Variants in FARS2 observed in about 807,000 individuals in gnomAD.
The protein encoded by FARS2 is phenylalanine--tRNA ligase, mitochondrial.
In FARS2, 40 loss-of-function variants were observed where a neutral mutation model predicts 46.4. The ratio of observed to expected loss-of-function variants is 0.86; its 90% CI spans 0.67 to 1.12. The LOEUF is 1.12. FARS2 is among the 50% of genes most tolerant of loss of function. FARS2 has a pLI of 0.00. For missense variants in FARS2, 513 were observed against 567.9 expected (o/e 0.90, Z 0.98); for synonymous variants, 234 against 214.9 (o/e 1.09, Z -0.78).
chr6:5,749,631 C>G (rs1163540939), intron 6 of FARS2, among the ~76,000 whole-genome samples: 1 of 152,214 alleles, frequency 6.6e-6, no homozygotes, highest in Non-Finnish European at 1.5e-5. Flanking sequence ...ACAGTGTTTG[C>G]TCTTCAAGGT....
intron 6 of FARS2, among the ~76,000 whole-genome samples, chr6:5,669,732 G>T (rs147982834): frequency 6.6e-6 from 1 of 152,314 alleles, no homozygotes; most frequent in Non-Finnish European, 1.5e-5. Flanking sequence ...CAGAGGTCCT[G>T]AGATTCGGAG....
chr6:5,388,969 T>C (rs941890113), intron 2 of FARS2, among the ~76,000 whole-genome samples: 1 of 152,162 alleles, frequency 6.6e-6, no homozygotes, highest in African/African-American at 2.4e-5. Context: ...TTGTATTCCA[T>C]GGGCCCCTTT....
intron 6 of FARS2, among the ~76,000 whole-genome samples, chr6:5,631,808 A>AT (rs561322449): frequency 6.2e-4 from 94 of 152,230 alleles, no homozygotes; most frequent in African/African-American, 1.6e-3. Flanking sequence ...TAAAAGGAGA[A>AT]TTTTTTTTCC....
chr6:5,385,279 A>G (rs1345104852), intron 2 of FARS2, among the ~76,000 whole-genome samples: 2 of 152,212 alleles, frequency 1.3e-5, no homozygotes, highest in East Asian at 3.8e-4. Context: ...TATTCATCTT[A>G]CTAAGGCATC....
Position 5,715,132 on chromosome 6 carries a change from A to G in FARS2, c.1218-56159A>G, listed in dbSNP as rs949860038. ...AACTTCATTTAACTCGTGCACGCCC[A>G]TATTACTATCCTCATGTTACATTTG... On this transcript the variant is annotated intron_variant, in intron 6 of 6. Transcript: ENST00000274680. 5.3e-5 allele frequency among the ~76,000 whole-genome samples: 8 copies of G among 152,330 alleles called. No homozygotes were observed. The East Asian group carries it at 1.2e-3, about 22-fold the overall frequency.
intron 6 of FARS2, among the ~76,000 whole-genome samples, chr6:5,618,368 G>A (rs1045980097): frequency 6.6e-6 from 1 of 152,116 alleles, no homozygotes; most frequent in African/African-American, 2.4e-5. Flanking sequence ...TTGACCTCAA[G>A]ATTTATTTTA....
At chr6:5,381,968 A>C (rs1322027991) in intron 2 of FARS2, among the ~76,000 whole-genome samples, 3 of 152,232 alleles carry the variant, frequency 2.0e-5, no homozygotes, top group Non-Finnish European at 4.4e-5. Context: ...GTTTCTGTTT[A>C]GAAAGCTGGT....
intron 5 of FARS2, among the ~76,000 whole-genome samples, chr6:5,561,221 A>G (rs1297159863): frequency 2.0e-5 from 3 of 152,210 alleles, no homozygotes; most frequent in African/African-American, 4.8e-5. Flanking sequence ...CACTATTTTA[A>G]ATTAGTCAAC....
rs182118 is a variant in FARS2, at chr6:5,468,380, G to C, written c.904+37208G>C. Among the ~76,000 whole-genome samples, 275 of 150,978 alleles carry C rather than the reference G, an allele frequency of 1.8e-3. 2 individuals carry two copies. Among genetic ancestry groups the C allele is most frequent in the African/African-American group, 6.5e-3 (266 of 41,220 alleles). ...AAAAAAAAAAAAAGAAAGAAAAAAA[G>C]TTAGCCATATAATGAAAGAAAAGGA... On this transcript the variant is annotated intron_variant, in intron 4 of 6. Coordinates refer to ENST00000274680, the MANE Select transcript of FARS2 (RefSeq NM_006567.5).
At chr6:5,477,437 C>G (rs902047135) in intron 4 of FARS2, among the ~76,000 whole-genome samples, 15 of 152,116 alleles carry the variant, frequency 9.9e-5, no homozygotes, top group African/African-American at 3.4e-4. Context: ...TTGATTAATG[C>G]CAATTGTGAC....
chr6:5,267,469 G>A (rs889325937), intron 1 of FARS2, among the ~76,000 whole-genome samples: 1 of 152,054 alleles, frequency 6.6e-6, no homozygotes. Flanking sequence ...GAACAGTCCA[G>A]GCCAGGCGTG....
chr6:5,539,222 T>C (rs1363064238), intron 4 of FARS2, among the ~76,000 whole-genome samples: 5 of 151,324 alleles, frequency 3.3e-5, no homozygotes, highest in Admixed American at 1.3e-4. Flanking sequence ...TTTTTTTTTT[T>C]TGAGACAGGA....
intron 6 of FARS2, among the ~76,000 whole-genome samples, chr6:5,688,257 G>T (rs1757408841): frequency 6.6e-6 from 1 of 152,198 alleles, no homozygotes; most frequent in African/African-American, 2.4e-5. Flanking sequence ...AGTGGTGGGA[G>T]AGGGCATCCC....
intron 1 of FARS2, among the ~76,000 whole-genome samples, chr6:5,283,102 G>A (rs1766854487): frequency 6.6e-6 from 1 of 151,990 alleles, no homozygotes; most frequent in African/African-American, 2.4e-5. Flanking sequence ...GCAGGATATG[G>A]TGGCCCACAC....
intron 4 of FARS2, among the ~76,000 whole-genome samples, chr6:5,481,083 C>G (rs1766427132): frequency 6.6e-6 from 1 of 152,222 alleles, no homozygotes; most frequent in Non-Finnish European, 1.5e-5. Flanking sequence ...GGCAGTGAGT[C>G]CTTTATGCAC....
At chr6:5,697,565 T>A (rs1250122318) in intron 6 of FARS2, among the ~76,000 whole-genome samples, 1 of 152,262 alleles carries the variant, frequency 6.6e-6, no homozygotes, top group Non-Finnish European at 1.5e-5. Flanking sequence ...CCTGACCCTG[T>A]CTGATGCAAG....
chr6:5,331,351 G>A (rs181413877), intron 1 of FARS2, among the ~76,000 whole-genome samples: 5 of 152,054 alleles, frequency 3.3e-5, no homozygotes, highest in East Asian at 1.9e-4. Context: ...GAGATTAACC[G>A]GAGCCGTGGA....
At chr6:5,306,181 A>G (rs547698020) in intron 1 of FARS2, among the ~76,000 whole-genome samples, 1 of 152,104 alleles carries the variant, frequency 6.6e-6, no homozygotes, top group African/African-American at 2.4e-5. Context: ...TATTGCATCA[A>G]CTCCGGGGTT....
Position 5,368,757 on chromosome 6 carries a change from C to G in FARS2, c.187C>G (p.His63Asp). ...LLGKSYPQDD[H>D]SNLTRKVLTR... Reference sequence around the variant, plus strand: ...GGGCAAATCCTACCCTCAGGACGACCACAGCAACCTCACCCGGAAGGTCCT... The same window carrying G: ...GGGCAAATCCTACCCTCAGGACGACGACAGCAACCTCACCCGGAAGGTCCT... The change falls in exon 2 of 7, where the codon CAC becomes GAC. Residue 63 changes from histidine to aspartate, a missense_variant. Transcript: ENST00000274680. 2 of 1,614,120 alleles carry G rather than the reference C, an allele frequency of 1.2e-6. No individual in the cohort carries two copies. Among genetic ancestry groups the G allele is most frequent in the South Asian group, 2.2e-5 (2 of 91,074 alleles).
Sources: allele counts gnomAD v4.1 joint callset (sites outside exome capture counted in the v4.1 genomes callset), GRCh38; gene constraint gnomAD v4.1.1; transcripts MANE v1.5; gene names NCBI Gene and HGNC (gene_info 2026-07-23, HGNC 2026-07-21).